Variants in NEK11 observed in about 807,000 individuals in gnomAD.
NEK11 encodes serine/threonine-protein kinase Nek11.
A neutral mutation model predicts 80.7 loss-of-function variants in NEK11; 72 were observed. The ratio of observed to expected loss-of-function variants is 0.89; its 90% CI spans 0.74 to 1.08. The LOEUF (loss-of-function observed/expected upper bound fraction) is 1.08. NEK11 is among the 50% of genes least tolerant of loss of function. The pLI, the probability that NEK11 is intolerant of heterozygous loss-of-function variation, is 0.00. For synonymous variants in NEK11, 251 were observed against 260.7 expected (o/e 0.96, Z 0.36); for missense variants, 764 against 763.6 (o/e 1.00, Z -0.01).
intron 14 of NEK11, among the ~76,000 whole-genome samples, chr3:131,184,036 C>A (rs1560845628): frequency 6.6e-6 from 1 of 152,148 alleles, no homozygotes; most frequent in Non-Finnish European, 1.5e-5. Flanking sequence ...TGATGTCATT[C>A]GATGCCTCGC....
At chr3:131,107,367 AAAAT>A (rs1279377356) in intron 4 of NEK11, among the ~76,000 whole-genome samples, 1 of 116,792 alleles carries the variant, frequency 8.6e-6, no homozygotes, top group Non-Finnish European at 2.2e-5. Context: ...TAATAATAAT[AAAAT>A]AAAAAAAAAA....
chr3:131,348,096 G>A (rs1489038831), intron 17 of NEK11, among the ~76,000 whole-genome samples: 1 of 151,892 alleles, frequency 6.6e-6, no homozygotes, highest in African/African-American at 2.4e-5. Context: ...TCTTTTCTCT[G>A]TTCTTCAGAG....
intron 7 of NEK11, among the ~76,000 whole-genome samples, chr3:131,145,640 C>T (rs1238897346): frequency 6.6e-6 from 1 of 152,106 alleles, no homozygotes; most frequent in Non-Finnish European, 1.5e-5. Context: ...CCCTGATTTC[C>T]AACTCAAGAG....
chr3:131,208,121 C>T (rs1159098352), intron 14 of NEK11, among the ~76,000 whole-genome samples: 1 of 152,136 alleles, frequency 6.6e-6, no homozygotes, highest in African/African-American at 2.4e-5. Flanking sequence ...GGTCTTTAAT[C>T]CATCTTGCAT....
At chr3:131,257,647 C>T (rs1196083744) in intron 16 of NEK11, among the ~76,000 whole-genome samples, 4 of 152,128 alleles carry the variant, frequency 2.6e-5, no homozygotes, top group South Asian at 2.1e-4. Flanking sequence ...GTTCTGCTGA[C>T]GATAGTGAGA....
At chr3:131,113,391 A>T (rs2080444287) in intron 5 of NEK11, among the ~76,000 whole-genome samples, 1 of 152,066 alleles carries the variant, frequency 6.6e-6, no homozygotes, top group Non-Finnish European at 1.5e-5. Context: ...ACAATATCAG[A>T]GCTCTGAAAC....
chr3:131,247,212 G>C (rs930462856), intron 16 of NEK11, among the ~76,000 whole-genome samples: 1 of 152,024 alleles, frequency 6.6e-6, no homozygotes, highest in African/African-American at 2.4e-5. Flanking sequence ...GTCTACACGG[G>C]TTTTTTCTGA....
chr3:131,081,064 C>T (rs778386445), intron 4 of NEK11, among the ~76,000 whole-genome samples: 3 of 152,094 alleles, frequency 2.0e-5, no homozygotes, highest in Non-Finnish European at 4.4e-5. Flanking sequence ...GAACTGGGAC[C>T]ATGCCATCGC....
At chr3:131,076,055 G>A (rs2074296538) in intron 3 of NEK11, among the ~76,000 whole-genome samples, 1 of 152,188 alleles carries the variant, frequency 6.6e-6, no homozygotes, top group Non-Finnish European at 1.5e-5. Context: ...AAAGTGTCGG[G>A]TGGATGCAGC....
Position 131,213,191 on chromosome 3 carries a change from C to CCACACACA in NEK11, c.1400-15320_1400-15313dup, listed in dbSNP as rs3050805. Among the ~76,000 whole-genome samples the CCACACACA allele has an allele frequency of 4.2e-3, 622 of 149,098 alleles. 3 individuals carry two copies. The highest frequency in any genetic ancestry group is 0.013 in the African/African-American group (538 of 40,718). On this transcript the variant is annotated intron_variant, in intron 14 of 17. Transcript: ENST00000383366. The stretch of plus-strand genomic sequence containing the variant: ...CTTAAACCCCCCATGCCACCCATCT[C>CCACACACA]CACACACACACACACACACACACAT...
intron 16 of NEK11, among the ~76,000 whole-genome samples, chr3:131,264,063 T>C (rs1383120859): frequency 6.6e-6 from 1 of 152,242 alleles, no homozygotes; most frequent in Non-Finnish European, 1.5e-5. Flanking sequence ...TGGGGTTGTT[T>C]GATTTTTTCT....
chr3:131,293,853 T>C (rs1419624859), intron 17 of NEK11, among the ~76,000 whole-genome samples: 1 of 152,086 alleles, frequency 6.6e-6, no homozygotes, highest in African/African-American at 2.4e-5. Context: ...GTTATCAAAT[T>C]TGTGGACATA....
intron 4 of NEK11, among the ~76,000 whole-genome samples, chr3:131,104,403 G>A (rs2078861868): frequency 6.6e-6 from 1 of 152,110 alleles, no homozygotes; most frequent in African/African-American, 2.4e-5. Context: ...TTACTGTATG[G>A]CAGCTGTGGC....
At chr3:131,219,837 T>C (rs533923047) in intron 14 of NEK11, among the ~76,000 whole-genome samples, 1 of 152,304 alleles carries the variant, frequency 6.6e-6, no homozygotes, top group South Asian at 2.1e-4. Flanking sequence ...GTGCCAATTA[T>C]ACTTTGGAGT....
At chr3:131,230,232 G>A (rs774455380) in intron 15 of NEK11, among the ~76,000 whole-genome samples, 2 of 152,122 alleles carry the variant, frequency 1.3e-5, no homozygotes, top group Non-Finnish European at 2.9e-5. Context: ...ATGGCAAACA[G>A]CTCCTAGGTC....
At chr3:131,233,802 CA>C (rs1378319370) in intron 15 of NEK11, among the ~76,000 whole-genome samples, 2 of 152,010 alleles carry the variant, frequency 1.3e-5, no homozygotes, top group Non-Finnish European at 2.9e-5. Context: ...TTCATTTGCT[CA>C]AAAAAGAAAC....
At chr3:131,115,992 T>TTCTTTTTCTTTCTTTCTTTCTTTC (rs1553878713) in intron 5 of NEK11, among the ~76,000 whole-genome samples, 1 of 123,218 alleles carries the variant, frequency 8.1e-6, no homozygotes, top group African/African-American at 3.0e-5. Context: ...CTTTCTTTAT[T>TTCTTTTTCTTTCTTTCTTTCTTTC]ATACTTTAAG....
chr3:131,222,139 T>C (rs1280981459), intron 14 of NEK11, among the ~76,000 whole-genome samples: 1 of 152,174 alleles, frequency 6.6e-6, no homozygotes, highest in East Asian at 1.9e-4. Flanking sequence ...TCATGACCTT[T>C]CTGAAATGGT....
At chr3:131,339,675 T>C (rs1054838548) in intron 17 of NEK11, among the ~76,000 whole-genome samples, 1 of 152,172 alleles carries the variant, frequency 6.6e-6, no homozygotes, top group African/African-American at 2.4e-5. Context: ...CACAAGCTGC[T>C]TCCCTTCCCT....
Sources: allele counts gnomAD v4.1 joint callset (sites outside exome capture counted in the v4.1 genomes callset), GRCh38; gene constraint gnomAD v4.1.1; transcripts MANE v1.5; gene names NCBI Gene and HGNC (gene_info 2026-07-23, HGNC 2026-07-21).